CLNK: variants seen among roughly 807,000 people sequenced by gnomAD.
The protein encoded by CLNK is cytokine dependent hematopoietic cell linker, also known as cytokine-dependent hematopoietic cell linker.
In CLNK, 74 loss-of-function variants were observed where a neutral mutation model predicts 68.6. That is an observed-to-expected ratio of 1.08 (90% CI 0.89 to 1.31). The LOEUF (loss-of-function observed/expected upper bound fraction) is 1.31, where lower values mean the gene tolerates loss of function less well. CLNK is among the 50% of genes most tolerant of loss of function. The probability of loss-of-function intolerance (pLI) is 0.00; values close to 1 mark genes in which losing one functional copy is unlikely to be tolerated. For missense variants in CLNK, 553 were observed against 515.3 expected (o/e 1.07, Z -0.71); for synonymous variants, 198 against 172.2 (o/e 1.15, Z -1.17).
At chr4:10,624,998 A>G (rs1175014789) in intron 2 of CLNK, among the ~76,000 whole-genome samples, 1 of 152,194 alleles carries the variant, frequency 6.6e-6, no homozygotes, top group Non-Finnish European at 1.5e-5. Flanking sequence ...GGCAGTTTCC[A>G]AGGACAAATT....
chr4:10,660,912 C>G (rs1020717793), intron 2 of CLNK, among the ~76,000 whole-genome samples: 1 of 152,192 alleles, frequency 6.6e-6, no homozygotes, highest in East Asian at 1.9e-4. Context: ...TAGCCAACCA[C>G]GAAGCTGAAT....
the CLNK span, chr4:10,692,206 A>G: frequency 6.6e-6 from 1 of 152,158 alleles, no homozygotes; most frequent in Non-Finnish European, 1.5e-5. Flanking sequence ...TTAGTCTACA[A>G]TGTACAAACT....
intron 4 of CLNK, among the ~76,000 whole-genome samples, chr4:10,581,078 T>G (rs528956401): frequency 6.6e-6 from 1 of 152,286 alleles, no homozygotes; most frequent in South Asian, 2.1e-4. Flanking sequence ...ATACACAAAT[T>G]CTTACCATTG....
At chr4:10,719,920 A>T in the CLNK span, among the ~76,000 whole-genome samples, 3 of 152,304 alleles carry the variant, frequency 2.0e-5, no homozygotes, top group Admixed American at 2.0e-4. Context: ...AAATCCCCAG[A>T]CACTTTCAAA....
chr4:10,573,895 T>C (rs1235026487), intron 4 of CLNK, among the ~76,000 whole-genome samples: 1 of 152,116 alleles, frequency 6.6e-6, no homozygotes, highest in Non-Finnish European at 1.5e-5. Flanking sequence ...TCCCAAATGC[T>C]CATCATCCTT....
the CLNK span, among the ~76,000 whole-genome samples, chr4:10,720,009 A>G: frequency 5.3e-5 from 8 of 152,190 alleles, no homozygotes; most frequent in Non-Finnish European, 1.2e-4. Flanking sequence ...ATTGAGTTGA[A>G]TGAAAATGAG....
intron 15 of CLNK, chr4:10,517,586 C>G (rs982685365): frequency 1.3e-5 from 2 of 152,214 alleles, no homozygotes; most frequent in African/African-American, 4.8e-5. Flanking sequence ...CCATAATTAA[C>G]TTTCAACGTC....
intron 5 of CLNK, among the ~76,000 whole-genome samples, chr4:10,568,965 G>A (rs1391218279): frequency 6.6e-6 from 1 of 152,186 alleles, no homozygotes; most frequent in Non-Finnish European, 1.5e-5. Flanking sequence ...GCCTCAAGAA[G>A]TGACACCACT....
Position 10,564,555 on chromosome 4 carries a change from G to A in CLNK, c.399+116C>T. 9 of 723,242 alleles carry A rather than the reference G, an allele frequency of 1.2e-5. No homozygotes were observed. In the South Asian group the frequency reaches 1.5e-4, roughly 12 times the overall value. 44.8% of individuals were successfully genotyped at this position (723,242 alleles called of 1,614,324 possible). The stretch of plus-strand genomic sequence containing the variant: ...AGTCACCTCCCATCCACCTCAGTGA[G>A]CTTGACCTGCTCTTTCCCTAATAAG... On this transcript the variant is annotated intron_variant, in intron 7 of 18. Coordinates refer to ENST00000226951, the MANE Select transcript of CLNK (RefSeq NM_052964.4).
At chr4:10,582,692 G>C (rs1261281499) in intron 4 of CLNK, among the ~76,000 whole-genome samples, 2 of 152,106 alleles carry the variant, frequency 1.3e-5, no homozygotes, top group African/African-American at 4.8e-5. Flanking sequence ...GTTTTCTAAA[G>C]AATATTTTTC....
intron 17 of CLNK, among the ~76,000 whole-genome samples, chr4:10,501,957 C>A (rs1468270417): frequency 1.3e-5 from 2 of 152,064 alleles, no homozygotes; most frequent in African/African-American, 2.4e-5. Flanking sequence ...AAAAGAAAAT[C>A]TTTCATCATT....
chr4:10,705,827 C>T, the CLNK span, among the ~76,000 whole-genome samples: 44,640 of 152,112 alleles, frequency 0.29, 6,726 homozygotes, highest in African/African-American at 0.33. Context: ...TGCTATTCTG[C>T]CTTCCACAGG....
intron 7 of CLNK, among the ~76,000 whole-genome samples, chr4:10,560,947 A>G (rs1451606450): frequency 6.6e-6 from 1 of 151,586 alleles, no homozygotes; most frequent in African/African-American, 2.4e-5. Flanking sequence ...CCCAGACTAG[A>G]GTGAAGTGGC....
chr4:10,504,223 C>A (rs1176033204), intron 17 of CLNK, among the ~76,000 whole-genome samples: 1 of 145,454 alleles, frequency 6.9e-6, no homozygotes, highest in Admixed American at 6.9e-5. Flanking sequence ...TGGGTTCACG[C>A]CGTTCTCCTG....
At chr4:10,723,109 A>T in the CLNK span, among the ~76,000 whole-genome samples, 1 of 152,148 alleles carries the variant, frequency 6.6e-6, no homozygotes, top group Non-Finnish European at 1.5e-5. Context: ...ATGTAAATGA[A>T]GAGGGTATAG....
At chr4:10,610,138 G>T (rs1721954647) in intron 2 of CLNK, among the ~76,000 whole-genome samples, 1 of 137,364 alleles carries the variant, frequency 7.3e-6, no homozygotes, top group Admixed American at 7.8e-5. Flanking sequence ...CTCACTGCAA[G>T]CTCCGCCTTC....
At chr4:10,523,079 T>C (rs1167742555) in intron 14 of CLNK, among the ~76,000 whole-genome samples, 1 of 152,174 alleles carries the variant, frequency 6.6e-6, no homozygotes, top group African/African-American at 2.4e-5. Flanking sequence ...TGATAGTGGC[T>C]GGGCCATGCA....
intron 4 of CLNK, among the ~76,000 whole-genome samples, chr4:10,575,016 C>A (rs1323335967): frequency 6.6e-6 from 1 of 152,152 alleles, no homozygotes; most frequent in East Asian, 1.9e-4. Flanking sequence ...AAACTCCTGG[C>A]AGAATAGAGC....
chr4:10,699,140 A>G, the CLNK span, among the ~76,000 whole-genome samples: 1 of 136,852 alleles, frequency 7.3e-6, no homozygotes, highest in Non-Finnish European at 1.6e-5. Flanking sequence ...GAACTTTCTC[A>G]GCCTCCATGA....
Sources: allele counts gnomAD v4.1 joint callset (sites outside exome capture counted in the v4.1 genomes callset), GRCh38; gene constraint gnomAD v4.1.1; transcripts MANE v1.5; gene names NCBI Gene and HGNC (gene_info 2026-07-23, HGNC 2026-07-21).